Variants in CABLES1 observed in about 807,000 individuals in gnomAD.
The protein encoded by CABLES1 is CDK5 and ABL1 enzyme substrate 1.
A neutral mutation model predicts 57.8 loss-of-function variants in CABLES1; 36 were observed. The observed-to-expected ratio is 0.62, with a 90% CI of 0.48 to 0.82. The LOEUF (loss-of-function observed/expected upper bound fraction) is 0.82. CABLES1 is among the 40% of genes least tolerant of loss of function. The pLI is 0.00. For missense variants in CABLES1, 767 were observed against 836.6 expected (o/e 0.92, Z 1.03); for synonymous variants, 374 against 363.0 (o/e 1.03, Z -0.35).
At chr18:23,233,714 G>A (rs1290847450) in intron 4 of CABLES1, among the ~76,000 whole-genome samples, 1 of 152,114 alleles carries the variant, frequency 6.6e-6, no homozygotes, top group Non-Finnish European at 1.5e-5. Context: ...CTTCATCCCT[G>A]AATGAATGAA....
chr18:23,135,277 C>A (rs1451967027), upstream of CABLES1, among the ~76,000 whole-genome samples: 3 of 152,214 alleles, frequency 2.0e-5, no homozygotes, highest in East Asian at 5.8e-4. Flanking sequence ...TCCCCCGCCC[C>A]ACCACCCGCT....
At chr18:23,248,693 C>T (rs868671984) in intron 7 of CABLES1, among the ~76,000 whole-genome samples, 11 of 151,964 alleles carry the variant, frequency 7.2e-5, no homozygotes, top group East Asian at 5.8e-4. Flanking sequence ...GGTGTGGTGG[C>T]GCATGCCTGT....
rs1359771155 is a variant in CABLES1 at position 23,241,712 on chromosome 18, G to A, written c.1446+4467G>A. Among the ~76,000 whole-genome samples, 4 of 152,146 alleles carry A rather than the reference G, an allele frequency of 2.6e-5. No individual in the cohort carries two copies. In the South Asian group the frequency reaches 8.3e-4, roughly 32 times the overall value. On this transcript the variant is annotated intron_variant, in intron 7 of 9. Transcript: ENST00000256925. The stretch of plus-strand genomic sequence containing the variant: ...AGGAGTGGGACTTCTGAGTCCTGGT[G>A]TAGGTGATATTAACCAGCCATGATG...
intron 7 of CABLES1, among the ~76,000 whole-genome samples, chr18:23,252,180 CAT>C (rs962931684): frequency 2.0e-5 from 3 of 151,656 alleles, no homozygotes; most frequent in South Asian, 2.1e-4. Flanking sequence ...TTTATAGAGA[CAT>C]AAAGTGGAGT....
chr18:23,174,306 A>AGGAACTGCATTTCATTCTGCAT, intron 1 of CABLES1, among the ~76,000 whole-genome samples: 1 of 152,216 alleles, frequency 6.6e-6, no homozygotes, highest in Non-Finnish European at 1.5e-5. Context: ...TCATGGCAGA[A>AGGAACTGCATTTCATTCTGCAT]TAATACTGCA....
chr18:23,171,510 C>T (rs1328546013), intron 1 of CABLES1, among the ~76,000 whole-genome samples: 3 of 152,246 alleles, frequency 2.0e-5, no homozygotes, highest in Admixed American at 2.0e-4. Flanking sequence ...AGCCATGCCT[C>T]ATGTCTTGGT....
At chr18:23,252,010 C>T (rs543261381) in intron 7 of CABLES1, among the ~76,000 whole-genome samples, 6 of 148,944 alleles carry the variant, frequency 4.0e-5, no homozygotes, top group South Asian at 2.3e-4. Flanking sequence ...CGCTTGAACC[C>T]GGGAGGCGGA....
intron 1 of CABLES1, among the ~76,000 whole-genome samples, chr18:23,143,327 CCT>C (rs2046869142): frequency 6.6e-6 from 1 of 152,288 alleles, no homozygotes; most frequent in African/African-American, 2.4e-5. Context: ...ACCTTTATTG[CCT>C]CTCTGACTCA....
chr18:23,147,590 C>T (rs1284139801), intron 1 of CABLES1, among the ~76,000 whole-genome samples: 1 of 152,198 alleles, frequency 6.6e-6, no homozygotes, highest in Non-Finnish European at 1.5e-5. Context: ...GAACAGCTAC[C>T]TTGCTGCATT....
chr18:23,224,114 CTT>C (rs879709419), intron 4 of CABLES1, among the ~76,000 whole-genome samples: 125 of 136,800 alleles, frequency 9.1e-4, no homozygotes, highest in Middle Eastern at 3.7e-3. Context: ...TCGGCTTCCA[CTT>C]TTTTTTTTTT....
intron 1 of CABLES1, among the ~76,000 whole-genome samples, chr18:23,157,372 C>T (rs1367640601): frequency 6.6e-6 from 1 of 152,010 alleles, no homozygotes; most frequent in Admixed American, 6.6e-5. Context: ...ATTGAGGGGT[C>T]CTGGAAAGAA....
In CABLES1 at chr18:23,243,457, G is replaced by A. The variant is rs182889427; in HGVS notation, c.1446+6212G>A. 4.2e-3 allele frequency among the ~76,000 whole-genome samples: 619 copies of A among 147,672 alleles called. 2 individuals are homozygous for A. The highest frequency in any genetic ancestry group is 7.1e-3 in the Non-Finnish European group (479 of 67,044). On this transcript the variant is annotated intron_variant, in intron 7 of 9. Coordinates refer to ENST00000256925, the MANE Select transcript of CABLES1 (RefSeq NM_001100619.3). Reference sequence around the variant, plus strand: ...TGGGGGAGGGAGGGTTGTTTTGGGTGTGGGTTTGGTGTTTTTTTTTTTTTT... The same window carrying A: ...TGGGGGAGGGAGGGTTGTTTTGGGTATGGGTTTGGTGTTTTTTTTTTTTTT...
chr18:23,139,788 C>G (rs1886466324), intron 1 of CABLES1, among the ~76,000 whole-genome samples: 1 of 151,880 alleles, frequency 6.6e-6, no homozygotes, highest in Non-Finnish European at 1.5e-5. Context: ...GGATAGGAAC[C>G]TGGATCATTG....
intron 1 of CABLES1, among the ~76,000 whole-genome samples, chr18:23,187,532 G>A (rs576010122): frequency 9.1e-4 from 138 of 152,180 alleles, no homozygotes; most frequent in African/African-American, 3.1e-3. Flanking sequence ...GACTACAGGC[G>A]CCCGCCACCA....
At chr18:23,169,660 C>T (rs998595137) in intron 1 of CABLES1, among the ~76,000 whole-genome samples, 18 of 152,216 alleles carry the variant, frequency 1.2e-4, no homozygotes, top group African/African-American at 4.3e-4. Context: ...AGATAACTTT[C>T]ATTTGAAAAT....
Position 23,192,012 on chromosome 18 carries a change from G to T in CABLES1, c.918-2436G>T, listed in dbSNP as rs1351904683. ...GGTGTATGTGCAGTTAGAATTGGGT[G>T]CTGATATGGAAATAAAACATCTTGT... is the stretch of plus-strand genomic sequence containing the variant. On this transcript the variant is annotated intron_variant, in intron 2 of 9. Transcript: ENST00000256925. Among the ~76,000 whole-genome samples, 3 of 151,052 alleles carry T rather than the reference G, an allele frequency of 2.0e-5. No individual in the cohort carries two copies. The East Asian group carries it at 5.9e-4, about 29-fold the overall frequency.
At chr18:23,194,641 C>A in intron 3 of CABLES1, 101 bp downstream of exon 3, 1 of 754,804 alleles carries the variant, frequency 1.3e-6, no homozygotes. Context: ...AACGCAAGCC[C>A]ACACTTTTAA....
chr18:23,230,304 G>A (rs1236979587), intron 4 of CABLES1, among the ~76,000 whole-genome samples: 4 of 152,132 alleles, frequency 2.6e-5, no homozygotes, highest in East Asian at 1.9e-4. Flanking sequence ...CCCAGGAGGC[G>A]GAGCTTGCAG....
intron 4 of CABLES1, among the ~76,000 whole-genome samples, chr18:23,223,606 G>A (rs543936504): frequency 3.5e-4 from 52 of 150,640 alleles, no homozygotes; most frequent in Middle Eastern, 3.5e-3. Flanking sequence ...AAAAGTTGGC[G>A]GGGGGGCATT....
Sources: gnomAD v4.1 joint callset for allele counts (sites outside exome capture counted in the v4.1 genomes callset) on GRCh38, gnomAD v4.1.1 for gene constraint, MANE v1.5 for transcripts, NCBI Gene and HGNC (gene_info 2026-07-23, HGNC 2026-07-21) for gene names.